The following GLIS3 variants were observed in gnomAD, a reference collection of about 807,000 sequenced individuals.
GLIS3 encodes the protein zinc finger protein GLIS3.
Under a neutral mutation model 78.6 loss-of-function variants are expected in GLIS3, and 53 were observed. That is an observed-to-expected ratio of 0.67 (90% CI 0.54 to 0.85). The LOEUF is 0.85. GLIS3 is among the 40% of genes least tolerant of loss of function. The pLI is 0.00. For missense variants in GLIS3, 1,703 were observed against 1,231.1 expected (o/e 1.38, Z -5.74); for synonymous variants, 684 against 509.9 (o/e 1.34, Z -4.60).
At chr9:4,227,218 C>T (rs368876810) in intron 2 of GLIS3, among the ~76,000 whole-genome samples, 1 of 151,530 alleles carries the variant, frequency 6.6e-6, no homozygotes, top group Admixed American at 6.6e-5. Context: ...GGTGTTCCAT[C>T]CTGAGGCAGG....
chr9:3,957,462 C>G (rs1376726614), intron 4 of GLIS3, among the ~76,000 whole-genome samples: 2 of 152,198 alleles, frequency 1.3e-5, no homozygotes, highest in Non-Finnish European at 2.9e-5. Flanking sequence ...CAGGGAGTTG[C>G]AAGATGAACC....
At chr9:4,267,738 T>C (rs975603202) in intron 2 of GLIS3, among the ~76,000 whole-genome samples, 12 of 152,206 alleles carry the variant, frequency 7.9e-5, no homozygotes, top group African/African-American at 2.9e-4. Context: ...AGTCATTTCA[T>C]TCAGCTTCCT....
chr9:3,828,246 G>T lies in GLIS3; in HGVS notation c.*26C>A. 1.2e-6 allele frequency: 2 copies of T among 1,613,760 alleles called. No individual in the cohort carries two copies. Among genetic ancestry groups the T allele is most frequent in the Non-Finnish European group, 1.7e-6 (2 of 1,179,878 alleles). Reference sequence around the variant, plus strand: ...GTGGCAAGCAACATCAAGGTCCTGGGTGTGCAGGAGTGGCCAAGAGAGCTT... The same window carrying T: ...GTGGCAAGCAACATCAAGGTCCTGGTTGTGCAGGAGTGGCCAAGAGAGCTT... On this transcript the variant is annotated 3_prime_UTR_variant, in exon 11 of 11. Transcript: ENST00000381971.
intron 4 of GLIS3, among the ~76,000 whole-genome samples, chr9:4,088,572 A>T (rs906852602): frequency 3.9e-5 from 6 of 152,202 alleles, no homozygotes; most frequent in Admixed American, 3.3e-4. Context: ...TTATCTTCTT[A>T]TTTCTTAAAA....
chr9:4,054,470 C>A, intron 4 of GLIS3: 2 of 985,386 alleles, frequency 2.0e-6, no homozygotes, highest in Non-Finnish European at 2.4e-6. Flanking sequence ...GGAGTGAATT[C>A]TTCAGTCAGG....
chr9:4,279,879 A>G (rs1048965652), intron 2 of GLIS3, among the ~76,000 whole-genome samples: 12 of 152,084 alleles, frequency 7.9e-5, no homozygotes, highest in Non-Finnish European at 1.2e-4. Flanking sequence ...CAAAGGTAAT[A>G]TATGATCTTT....
chr9:4,108,231 T>C (rs933508540), intron 4 of GLIS3, among the ~76,000 whole-genome samples: 1 of 152,214 alleles, frequency 6.6e-6, no homozygotes, highest in Non-Finnish European at 1.5e-5. Context: ...TAATACTTTC[T>C]TTCTCGTTAA....
At chr9:4,465,829 C>T in the GLIS3 span, among the ~76,000 whole-genome samples, 1 of 152,124 alleles carries the variant, frequency 6.6e-6, no homozygotes, top group Admixed American at 6.5e-5. Context: ...TAGATTAGTG[C>T]TCCTGCTAAG....
In GLIS3 at chr9:3,843,119, G is replaced by A. The variant is rs370191928; in HGVS notation, c.2473+12890C>T. ...GTGACTCAGAAGTCTTGTTCTCACTGTTGGTCCCATACTGATCTTGTGGCT... is the reference window on the plus strand; with the variant it reads ...GTGACTCAGAAGTCTTGTTCTCACTATTGGTCCCATACTGATCTTGTGGCT... On this transcript the variant is annotated intron_variant, in intron 9 of 10. Coordinates refer to ENST00000381971, the MANE Select transcript of GLIS3 (RefSeq NM_001042413.2). 6.0e-4 allele frequency among the ~76,000 whole-genome samples: 92 copies of A among 152,314 alleles called. 1 individual carries two copies. Among genetic ancestry groups the A allele is most frequent in the African/African-American group, 2.2e-3 (90 of 41,568 alleles).
At chr9:4,113,256 C>T (rs1831375491) in intron 4 of GLIS3, among the ~76,000 whole-genome samples, 1 of 152,042 alleles carries the variant, frequency 6.6e-6, no homozygotes, top group Non-Finnish European at 1.5e-5. Flanking sequence ...TATCTATGGA[C>T]AGTTACGTTA....
At chr9:4,032,890 G>A (rs1479390590) in intron 4 of GLIS3, among the ~76,000 whole-genome samples, 2 of 151,262 alleles carry the variant, frequency 1.3e-5, no homozygotes, top group South Asian at 4.2e-4. Context: ...GTCTCGCTCT[G>A]TCGCCCAGGC....
At chr9:4,045,573 G>A (rs549322540) in intron 4 of GLIS3, among the ~76,000 whole-genome samples, 11 of 151,242 alleles carry the variant, frequency 7.3e-5, no homozygotes, top group African/African-American at 2.2e-4. Flanking sequence ...TCCTGACCTC[G>A]TGATCCTCCC....
intron 2 of GLIS3, among the ~76,000 whole-genome samples, chr9:4,166,608 G>GAGTTCAGTTTTATGTAAA (rs1427127305): frequency 4.3e-4 from 66 of 152,348 alleles, no homozygotes; most frequent in African/African-American, 1.6e-3. Flanking sequence ...CTCCTTCCAG[G>GAGTTCAGTTTTATGTAAA]AGTTCAGTTT....
At chr9:3,918,521 T>A (rs920647183) in intron 6 of GLIS3, among the ~76,000 whole-genome samples, 15 of 152,172 alleles carry the variant, frequency 9.9e-5, no homozygotes, top group Admixed American at 9.8e-4. Flanking sequence ...TTATGGGAAC[T>A]AGGACTTAAA....
At chr9:3,894,528 T>C (rs1822687910) in intron 7 of GLIS3, among the ~76,000 whole-genome samples, 1 of 152,168 alleles carries the variant, frequency 6.6e-6, no homozygotes, top group African/African-American at 2.4e-5. Context: ...TTCACAAATT[T>C]CTGTTAAATC....
intron 4 of GLIS3, among the ~76,000 whole-genome samples, chr9:3,985,167 C>G (rs1819638638): frequency 6.6e-6 from 1 of 151,920 alleles, no homozygotes; most frequent in South Asian, 2.1e-4. Flanking sequence ...ATTACTGAGA[C>G]AGGGTCTTGC....
At chr9:4,398,772 C>G in the GLIS3 span, among the ~76,000 whole-genome samples, 1 of 152,192 alleles carries the variant, frequency 6.6e-6, no homozygotes, top group Admixed American at 6.5e-5. Context: ...ACTGCAACCT[C>G]TGCCTCCCCA....
At chr9:4,394,569 T>C in the GLIS3 span, among the ~76,000 whole-genome samples, 2 of 152,144 alleles carry the variant, frequency 1.3e-5, no homozygotes, top group Non-Finnish European at 2.9e-5. Flanking sequence ...GAAGGAAAAT[T>C]TACCTGTAAG....
intron 2 of GLIS3, among the ~76,000 whole-genome samples, chr9:4,242,076 G>A (rs1482223101): frequency 6.6e-6 from 1 of 152,198 alleles, no homozygotes; most frequent in East Asian, 1.9e-4. Flanking sequence ...TGCTGCTTTG[G>A]GTCTCTCAGC....
Sources: gnomAD v4.1 joint callset for allele counts (sites outside exome capture counted in the v4.1 genomes callset) on GRCh38, gnomAD v4.1.1 for gene constraint, MANE v1.5 for transcripts, NCBI Gene and HGNC (gene_info 2026-07-23, HGNC 2026-07-21) for gene names.